Variants in DNAH8 observed in about 807,000 individuals in gnomAD.
DNAH8 encodes dynein axonemal heavy chain 8.
A neutral mutation model predicts 562.1 loss-of-function variants in DNAH8; 382 were observed. The observed-to-expected ratio is 0.68, with a 90% CI of 0.63 to 0.74. The LOEUF (loss-of-function observed/expected upper bound fraction) is 0.74, where lower values mean the gene tolerates loss of function less well. DNAH8 is among the 30% of genes least tolerant of loss of function. The pLI, the probability that DNAH8 is intolerant of heterozygous loss-of-function variation, is 0.00. For missense variants in DNAH8, 5,203 were observed against 5,620.4 expected (o/e 0.93, Z 2.37); for synonymous variants, 1,881 against 1,919.4 (o/e 0.98, Z 0.52).
At position 38,722,926 on chromosome 6, in the gene DNAH8, G is replaced by C. The variant is rs1468896626; in HGVS notation, c.117G>C (p.Val39=). 1 of 1,612,484 alleles carries C rather than the reference G, an allele frequency of 6.2e-7. No homozygotes were observed. The highest frequency in any genetic ancestry group is 1.1e-5 in the South Asian group (1 of 91,060). Residue 39 remains valine (V), a synonymous_variant, in exon 2 of 93, where the codon GTG becomes GTC. Transcript: ENST00000327475. Reference sequence around the variant, plus strand: ...AAGAGGCCCCGCGCCCTCCGACAGTGGAGGCCCCGGCAGAAGATGGTTTCT... The same window carrying C: ...AAGAGGCCCCGCGCCCTCCGACAGTCGAGGCCCCGGCAGAAGATGGTTTCT... ...EEEEAPRPPT[V]EAPAEDGFSP...
At chr6:38,730,176 A>G (rs1763554626) in intron 4 of DNAH8, among the ~76,000 whole-genome samples, 190 bp downstream of exon 4, 1 of 152,258 alleles carries the variant, frequency 6.6e-6, no homozygotes, top group South Asian at 2.1e-4. Flanking sequence ...GCCTTGCTAT[A>G]ATGTCTTCAG....
chr6:38,803,708 A>G lies in DNAH8; in HGVS notation c.3034+397A>G, dbSNP rs545819700. Among the ~76,000 whole-genome samples the G allele has an allele frequency of 1.6e-4, 24 of 146,602 alleles. 1 individual carries two copies. In the South Asian group the frequency reaches 3.5e-3, roughly 22 times the overall value. On this transcript the variant is annotated intron_variant, in intron 22 of 92. Transcript: ENST00000327475. ...CATAAACCAGGAAAAGGTAAATTCT[A>G]TAATTTTCTTGAATCTGGAAAACTT...
At chr6:38,782,163 G>A (rs1378390429) in intron 16 of DNAH8, among the ~76,000 whole-genome samples, 1 of 151,998 alleles carries the variant, frequency 6.6e-6, no homozygotes, top group African/African-American at 2.4e-5. Flanking sequence ...CTACTCGGGG[G>A]ACTCAGTTGC....
Position 38,725,848 on chromosome 6 carries a change from C to T in DNAH8, c.525+2377C>T, listed in dbSNP as rs149093443. 4.0e-3 allele frequency among the ~76,000 whole-genome samples: 609 copies of T among 152,202 alleles called. 11 individuals carry two copies. Among genetic ancestry groups the T allele is most frequent in the Middle Eastern group, 0.014 (4 of 294 alleles). ...ATGTTCATCAAATTCTGTAGCTGGT[C>T]CTGACTGTGGACAATGCCAACCAAA... On this transcript the variant is annotated intron_variant, in intron 3 of 92. Transcript: ENST00000327475.
chr6:38,949,655 A>G, intron 81 of DNAH8, 85 bp downstream of exon 81: 2 of 798,304 alleles, frequency 2.5e-6, no homozygotes, highest in Non-Finnish European at 4.1e-6. Flanking sequence ...TTACTTCACT[A>G]TATCACTGTC....
chr6:38,857,537 A>G lies in DNAH8; in HGVS notation c.5753A>G (p.Gln1918Arg). Reference protein sequence around the residue: ...FPAQVGLLGIQMLWTHDSEEA... With the variant: ...FPAQVGLLGIRMLWTHDSEEA... ...CTGTAGGTTGGACTTCTGGGAATTC[A>G]GATGTTGTGGACACACGATTCAGAA... Residue 1918 changes from glutamine to arginine, a missense_variant, in exon 42 of 93, where the codon CAG becomes CGG. Physicochemically the swap from Gln to Arg is conservative, Grantham distance 43. Coordinates refer to ENST00000327475, the MANE Select transcript of DNAH8 (RefSeq NM_001206927.2). The G allele has an allele frequency of 6.2e-7, 1 of 1,610,732 alleles. No homozygotes were observed. Among genetic ancestry groups the G allele is most frequent in the East Asian group, 2.2e-5 (1 of 44,796 alleles).
Position 38,760,020 on chromosome 6 carries a change from T to C in DNAH8, c.1516-1682T>C, listed in dbSNP as rs1766336080. 2.0e-5 allele frequency among the ~76,000 whole-genome samples: 3 copies of C among 152,206 alleles called. No homozygotes were observed. In the South Asian group the frequency reaches 6.2e-4, roughly 32 times the overall value. On this transcript the variant is annotated intron_variant, in intron 10 of 92. Transcript: ENST00000327475. ...GTATCACTGAATAATTTTTTAACAG[T>C]TCCATATTATTCTTAACATTTTTTT...
At chr6:38,935,151 G>A (rs1160440600) in intron 76 of DNAH8, among the ~76,000 whole-genome samples, 3 of 152,310 alleles carry the variant, frequency 2.0e-5, no homozygotes, top group South Asian at 4.1e-4. Context: ...CAGGCCAAGA[G>A]CTCACATTTA....
At chr6:38,806,762 C>T (rs1771310083) in intron 23 of DNAH8, among the ~76,000 whole-genome samples, 1 of 149,128 alleles carries the variant, frequency 6.7e-6, no homozygotes. Flanking sequence ...GCCTGGGCGA[C>T]AGAGCAAGAC....
Position 38,917,852 on chromosome 6 carries a change from T to C in DNAH8, c.10309-73T>C, listed in dbSNP as rs1781426499. On this transcript the variant is annotated intron_variant, in intron 69 of 92. Coordinates refer to ENST00000327475, the MANE Select transcript of DNAH8 (RefSeq NM_001206927.2). The stretch of plus-strand genomic sequence containing the variant: ...CTATTACTTCTTTGAGAAAATTCAA[T>C]TTAGAAGTACATATTAACTCAGGAA... 5.2e-6 allele frequency: 6 copies of C among 1,159,162 alleles called. No homozygotes were observed. The South Asian group carries it at 8.1e-5, about 16-fold the overall frequency. The allele number at this position is 1,159,162 out of a possible 1,614,324, so 71.8% of individuals were successfully genotyped here.
chr6:39,012,123 G>T, intron 89 of DNAH8, 92 bp from the exon 90 acceptor site: 1 of 935,340 alleles, frequency 1.1e-6, no homozygotes, highest in African/African-American at 1.6e-5. Context: ...GATACATCTA[G>T]AGGAAGAAAA....
rs761021689 is a variant in DNAH8 at position 38,775,727 on chromosome 6, A to C, written c.1765-27A>C. On this transcript the variant is annotated intron_variant, in intron 12 of 92. Transcript: ENST00000327475. ...AAGTTGCCTGCTATCTCATTTAAAAAAGCAAAATAACATTTCTCTTTTTAA... is the reference window on the plus strand; with the variant it reads ...AAGTTGCCTGCTATCTCATTTAAAACAGCAAAATAACATTTCTCTTTTTAA... 30 of 1,488,196 alleles carry C rather than the reference A, an allele frequency of 2.0e-5. No homozygotes were observed. In the South Asian group the frequency reaches 3.6e-4, roughly 18 times the overall value. 92.2% of individuals were successfully genotyped at this position (1,488,196 alleles called of 1,614,324 possible).
At chr6:39,029,089 T>C (rs1259824873) in intron 92 of DNAH8, among the ~76,000 whole-genome samples, 3 of 152,212 alleles carry the variant, frequency 2.0e-5, no homozygotes, top group Admixed American at 1.3e-4. Context: ...CTTTCTTTTT[T>C]TAGTGAATAT....
intron 88 of DNAH8, among the ~76,000 whole-genome samples, chr6:39,001,218 C>A (rs1399684001): frequency 6.6e-6 from 1 of 151,876 alleles, no homozygotes; most frequent in Non-Finnish European, 1.5e-5. Context: ...ATCTACTTAA[C>A]CTACTCTACC....
intron 18 of DNAH8, 99 bp from the exon 19 acceptor site, chr6:38,789,704 G>A (rs1769515425): frequency 3.7e-6 from 3 of 811,282 alleles, no homozygotes; most frequent in Non-Finnish European, 5.9e-6. Flanking sequence ...ACAGGACTAC[G>A]AGGAAACTGG....
chr6:38,842,573 T>C, intron 34 of DNAH8, 68 bp downstream of exon 34: 1 of 1,580,430 alleles, frequency 6.3e-7, no homozygotes, highest in Admixed American at 1.8e-5. Flanking sequence ...CAGAAGCTAA[T>C]TTATTCCCTA....
intron 45 of DNAH8, 71 bp downstream of exon 45, chr6:38,864,131 G>A (rs1776861088): frequency 2.8e-6 from 4 of 1,407,182 alleles, no homozygotes; most frequent in South Asian, 2.6e-5. Context: ...CAAAGCATGT[G>A]TTAATGGGTA....
intron 31 of DNAH8, among the ~76,000 whole-genome samples, chr6:38,833,143 C>T (rs1232072851): frequency 6.6e-6 from 1 of 152,056 alleles, no homozygotes; most frequent in Non-Finnish European, 1.5e-5. Context: ...AAGTTAAACT[C>T]AAGACTGAAT....
chr6:38,915,045 A>G (rs567687811), intron 67 of DNAH8, among the ~76,000 whole-genome samples, 156 bp from the exon 68 acceptor site: 8 of 152,308 alleles, frequency 5.3e-5, no homozygotes, highest in Admixed American at 5.2e-4. Flanking sequence ...AAAGGAATTT[A>G]CTTTAATATA....
Sources: gnomAD v4.1 joint callset for allele counts (sites outside exome capture counted in the v4.1 genomes callset) on GRCh38, gnomAD v4.1.1 for gene constraint, MANE v1.5 for transcripts, NCBI Gene and HGNC (gene_info 2026-07-23, HGNC 2026-07-21) for gene names.